The following KCNK2 variants were observed in gnomAD, a reference collection of about 807,000 sequenced individuals.
KCNK2 encodes the protein potassium channel subfamily K member 2.
Under a neutral mutation model 40.5 loss-of-function variants are expected in KCNK2, and 21 were observed. The ratio of observed to expected loss-of-function variants is 0.52; its 90% CI spans 0.37 to 0.75. The LOEUF is 0.75. Among genes scored for constraint, KCNK2 ranks in the 30% least tolerant of loss-of-function variants. The pLI is 0.00. For missense variants in KCNK2, 399 were observed against 531.6 expected (o/e 0.75, Z 2.45); for synonymous variants, 191 against 202.2 (o/e 0.94, Z 0.47).
At chr1:215,190,849 G>A (rs17024389) in intron 5 of KCNK2, among the ~76,000 whole-genome samples, 1,581 of 152,248 alleles carry the variant, frequency 0.01, 36 homozygotes, top group African/African-American at 0.036. Context: ...TTTCGTTCAT[G>A]GAGGTAATCA....
intron 1 of KCNK2, among the ~76,000 whole-genome samples, chr1:215,007,185 G>A (rs7544696): frequency 0.1 from 3,093 of 30,608 alleles, 217 homozygotes; most frequent in Middle Eastern, 0.29. Context: ...ATGTGTGTGG[G>A]TATATATATA....
chr1:215,077,507 C>T lies in KCNK2; in HGVS notation c.35-8861C>T, dbSNP rs1445434892. Among the ~76,000 whole-genome samples the T allele has an allele frequency of 2.0e-5, 3 of 152,130 alleles. No individual in the cohort carries two copies. The South Asian group carries it at 6.2e-4, about 31-fold the overall frequency. On this transcript the variant is annotated intron_variant, in intron 1 of 6. Coordinates refer to the KCNK2 transcript ENST00000391895. ...TATCTACATGCTTACATTCTTTGTT[C>T]ACCTTCTACCTGTTCTGCACATAGC... is the stretch of plus-strand genomic sequence containing the variant.
intron 1 of KCNK2, among the ~76,000 whole-genome samples, chr1:215,015,908 A>C (rs534289329): frequency 6.6e-6 from 1 of 152,192 alleles, no homozygotes; most frequent in African/African-American, 2.4e-5. Context: ...CTCTGTCTCA[A>C]TTGGAAACCT....
rs1337347831 is a variant in KCNK2 at position 215,007,227 on chromosome 1, A to ATATG, written c.34+1272_34+1273insTATG. Among the ~76,000 whole-genome samples, 103 of 95,754 alleles carry ATATG rather than the reference A, an allele frequency of 1.1e-3. 3 individuals carry two copies. Among genetic ancestry groups the ATATG allele is most frequent in the Non-Finnish European group, 1.2e-3 (58 of 48,222 alleles). The allele number at this position is 95,754 out of a possible 152,430, so 62.8% of individuals were successfully genotyped here. A position where few individuals can be genotyped will look rare whatever the true frequency, so the allele number is the denominator to read the frequency against. ...TATATATATATATATATATATATATAGGCTCATTTCCAATTAGTATGTAAT... is the reference window on the plus strand; with the variant it reads ...TATATATATATATATATATATATATATATGGGCTCATTTCCAATTAGTATGTAAT... On this transcript the variant is annotated intron_variant, in intron 1 of 6. Transcript: ENST00000391895.
In KCNK2 at chr1:215,183,934, C is replaced by G. The variant is rs61818351; in HGVS notation, c.824-11019C>G. Among the ~76,000 whole-genome samples, 1,470 of 152,212 alleles carry G rather than the reference C, an allele frequency of 9.7e-3. 22 individuals carry two copies. The highest frequency in any genetic ancestry group is 0.06 in the South Asian group (291 of 4,820). ...TATTGATTTGTTAATTAAGGTTCAA[C>G]CAGACAAAGCCACTAATATCCATGA... On this transcript the variant is annotated intron_variant, in intron 5 of 6. Coordinates refer to ENST00000444842, the MANE Select transcript of KCNK2 (RefSeq NM_001017425.3).
chr1:215,230,532 TGTATATATATACACACACATAACAGCC>T (rs1666608030), intron 6 of KCNK2, among the ~76,000 whole-genome samples: 4 of 37,108 alleles, frequency 1.1e-4, no homozygotes, highest in African/African-American at 3.0e-4. Context: ...TATATATATA[TGTATATATATACACACACATAACAGCC>T]ATATATATAT....
chr1:215,159,517 C>A (rs550603673), intron 3 of KCNK2, among the ~76,000 whole-genome samples: 2 of 152,144 alleles, frequency 1.3e-5, no homozygotes, highest in South Asian at 4.1e-4. Flanking sequence ...TTTTCTACTA[C>A]CTAAAATAGA....
At chr1:215,128,781 T>A (rs964681352) in intron 3 of KCNK2, among the ~76,000 whole-genome samples, 1 of 152,180 alleles carries the variant, frequency 6.6e-6, no homozygotes, top group Non-Finnish European at 1.5e-5. Flanking sequence ...TAGAGTAGAC[T>A]TGTTTAAAGG....
intron 1 of KCNK2, among the ~76,000 whole-genome samples, chr1:215,070,534 T>C (rs1658717876): frequency 6.6e-6 from 1 of 151,534 alleles, no homozygotes; most frequent in African/African-American, 2.4e-5. Flanking sequence ...AAAAGGCATG[T>C]CTTACATGGT....
upstream of KCNK2, among the ~76,000 whole-genome samples, chr1:215,080,938 G>A (rs1659131086): frequency 6.6e-6 from 1 of 152,200 alleles, no homozygotes; most frequent in South Asian, 2.1e-4. Flanking sequence ...ACTTCAAAAC[G>A]AGATTGCTCT....
At chr1:215,042,888 A>C (rs1334946732) in intron 1 of KCNK2, among the ~76,000 whole-genome samples, 2 of 152,030 alleles carry the variant, frequency 1.3e-5, no homozygotes, top group East Asian at 3.9e-4. Context: ...CCTACTTACA[A>C]GGATACAAGA....
chr1:215,196,092 T>C (rs561498253), intron 6 of KCNK2, among the ~76,000 whole-genome samples: 1 of 152,218 alleles, frequency 6.6e-6, no homozygotes, highest in African/African-American at 2.4e-5. Context: ...ATATAATTTT[T>C]TTTTTTTTTG....
chr1:215,223,241 T>TAAAAAAAAAAAA (rs56890763), intron 6 of KCNK2, among the ~76,000 whole-genome samples: 1,141 of 111,916 alleles, frequency 0.01, 24 homozygotes, highest in Non-Finnish European at 0.013. Flanking sequence ...AGCTCTTTTC[T>TAAAAAAAAAAAA]AAAAAAAAAA....
At chr1:215,097,660 C>T (rs545905114) in intron 2 of KCNK2, among the ~76,000 whole-genome samples, 82 of 152,028 alleles carry the variant, frequency 5.4e-4, no homozygotes, top group African/African-American at 1.9e-3. Context: ...TAGAAGGTGT[C>T]AATTCCTTTA....
intron 1 of KCNK2, among the ~76,000 whole-genome samples, chr1:215,048,972 T>C (rs1657883103): frequency 6.6e-6 from 1 of 152,176 alleles, no homozygotes; most frequent in Non-Finnish European, 1.5e-5. Context: ...GGACATTGTA[T>C]TAGGTGTTTG....
At chr1:215,131,522 A>G (rs1383241485) in intron 3 of KCNK2, among the ~76,000 whole-genome samples, 1 of 147,470 alleles carries the variant, frequency 6.8e-6, no homozygotes, top group Non-Finnish European at 1.5e-5. Context: ...ATTAATTATA[A>G]TTATATATTA....
At chr1:215,224,220 C>A (rs868128955) in intron 6 of KCNK2, among the ~76,000 whole-genome samples, 1 of 152,022 alleles carries the variant, frequency 6.6e-6, no homozygotes, top group Non-Finnish European at 1.5e-5. Flanking sequence ...ATTCTAAATT[C>A]AAAATTAGAA....
intron 1 of KCNK2, 193 bp downstream of exon 1, chr1:215,083,624 C>T: frequency 1.7e-6 from 1 of 603,028 alleles, no homozygotes; most frequent in South Asian, 2.0e-5. Context: ...CGCTTCTCCC[C>T]CCTCTCCCGC....
chr1:215,192,844 T>C (rs1664722172), intron 5 of KCNK2, among the ~76,000 whole-genome samples: 1 of 152,312 alleles, frequency 6.6e-6, no homozygotes, highest in Non-Finnish European at 1.5e-5. Flanking sequence ...CTTTGTAAAA[T>C]GTGTTCTAAA....
Sources: allele counts gnomAD v4.1 joint callset (sites outside exome capture counted in the v4.1 genomes callset), GRCh38; gene constraint gnomAD v4.1.1; transcripts MANE v1.5; gene names NCBI Gene and HGNC (gene_info 2026-07-23, HGNC 2026-07-21).